Variants in STAM2 observed in about 807,000 individuals in gnomAD.
The protein encoded by STAM2 is signal transducing adapter molecule 2.
A neutral mutation model predicts 65.6 loss-of-function variants in STAM2; 51 were observed. That is an observed-to-expected ratio of 0.78 (90% confidence interval 0.62 to 0.98). STAM2 has a LOEUF of 0.98. Ranked by LOEUF, STAM2 falls within the 50% of genes least tolerant of loss-of-function variation. The pLI is 0.00. For missense variants in STAM2, 584 were observed against 617.8 expected (o/e 0.95, Z 0.58); for synonymous variants, 198 against 208.4 (o/e 0.95, Z 0.43).
chr2:152,148,986 G>C (rs1321502810), intron 2 of STAM2, among the ~76,000 whole-genome samples: 1 of 152,140 alleles, frequency 6.6e-6, no homozygotes, highest in Non-Finnish European at 1.5e-5. Context: ...ACATGTGAAT[G>C]TACTATGAAA....
rs193138667 is a variant in STAM2, at chr2:152,152,156, G to A, written c.41-1927C>T. Among the ~76,000 whole-genome samples, 240 of 152,242 alleles carry A rather than the reference G, an allele frequency of 1.6e-3. 1 individual carries two copies. Among genetic ancestry groups the A allele is most frequent in the African/African-American group, 5.4e-3 (226 of 41,550 alleles). On this transcript the variant is annotated intron_variant, in intron 1 of 13. Transcript: ENST00000263904. ...GGGTTTTGCCATGTTGCCCAGGTTC[G>A]TCTCAAACTGCTGGGCTCAAATGAT... is the stretch of plus-strand genomic sequence containing the variant.
chr2:152,131,916 T>C (rs1689071414), intron 11 of STAM2, 198 bp downstream of exon 11: 1 of 548,606 alleles, frequency 1.8e-6, no homozygotes, highest in Non-Finnish European at 3.2e-6. Context: ...ATAAAACTTG[T>C]CAGAGCTTGT....
chr2:152,154,610 CCT>C (rs912778919), intron 1 of STAM2, among the ~76,000 whole-genome samples: 24 of 149,166 alleles, frequency 1.6e-4, no homozygotes, highest in Admixed American at 4.8e-4. Context: ...AGAGTGAGCC[CCT>C]GTCTCTACAA....
chr2:152,158,475 C>CAA (rs371212329), intron 1 of STAM2, among the ~76,000 whole-genome samples: 10 of 146,510 alleles, frequency 6.8e-5, no homozygotes, highest in African/African-American at 2.0e-4. Flanking sequence ...GATTCCATCT[C>CAA]AAAAAAAAAA....
At chr2:152,162,877 G>A (rs907346175) in intron 1 of STAM2, among the ~76,000 whole-genome samples, 2 of 150,892 alleles carry the variant, frequency 1.3e-5, no homozygotes, top group African/African-American at 2.4e-5. Flanking sequence ...CACTGGTTTC[G>A]AACTCCTCCT....
In STAM2 at chr2:152,160,000, G is replaced by C. The variant is rs564592397; in HGVS notation, c.41-9771C>G. On this transcript the variant is annotated intron_variant, in intron 1 of 13. Transcript: ENST00000263904. The stretch of plus-strand genomic sequence containing the variant: ...CCAGCCTCGGCCTCCCGAGGTGCCA[G>C]GATTGCAGACGGAGGCTCCTTCACT... Among the ~76,000 whole-genome samples, 13 of 152,358 alleles carry C rather than the reference G, an allele frequency of 8.5e-5. No homozygotes were observed. The South Asian group carries it at 1.0e-3, about 12-fold the overall frequency.
intron 7 of STAM2, among the ~76,000 whole-genome samples, chr2:152,136,353 G>T (rs182577348): frequency 3.3e-5 from 5 of 151,954 alleles, no homozygotes; most frequent in African/African-American, 1.2e-4. Context: ...TGACGCAGGA[G>T]AATCGCTTGA....
chr2:152,172,479 A>C (rs1227815807), intron 1 of STAM2, among the ~76,000 whole-genome samples: 2 of 152,112 alleles, frequency 1.3e-5, no homozygotes, highest in Non-Finnish European at 2.9e-5. Context: ...TCACCTACCA[A>C]AAGAGATTAA....
intron 13 of STAM2, among the ~76,000 whole-genome samples, chr2:152,122,935 T>A (rs1202337337): frequency 6.6e-6 from 1 of 151,302 alleles, no homozygotes. Context: ...AACATGGTGG[T>A]GCTTGCCTGT....
At chr2:152,162,056 C>A (rs1450950217) in intron 1 of STAM2, among the ~76,000 whole-genome samples, 1 of 152,140 alleles carries the variant, frequency 6.6e-6, no homozygotes, top group East Asian at 1.9e-4. Context: ...CTCCTGATCT[C>A]AGGTGATCCA....
rs1405753798 is a variant in STAM2, at chr2:152,175,182, T to A, written c.40+421A>T. Among the ~76,000 whole-genome samples the A allele has an allele frequency of 3.9e-5, 6 of 152,198 alleles. No homozygotes were observed. In the East Asian group the frequency reaches 1.2e-3, roughly 29 times the overall value. On this transcript the variant is annotated intron_variant, in intron 1 of 13. Coordinates refer to ENST00000263904, the MANE Select transcript of STAM2 (RefSeq NM_005843.6). ...GGTTGTCTAGGTGTCAAGTGTCTAG[T>A]GTTGGGCTTCTCTAGACAGCAGGGT...
At chr2:152,162,130 C>T (rs901183455) in intron 1 of STAM2, among the ~76,000 whole-genome samples, 2 of 152,178 alleles carry the variant, frequency 1.3e-5, no homozygotes, top group African/African-American at 4.8e-5. Context: ...GCCCAATCTG[C>T]ATGCCTTCTA....
At position 152,160,780 on chromosome 2, in the gene STAM2, G is replaced by C. The variant is rs1452099726; in HGVS notation, c.41-10551C>G. 2.7e-5 allele frequency among the ~76,000 whole-genome samples: 4 copies of C among 150,394 alleles called. No individual in the cohort carries two copies. In the East Asian group the frequency reaches 8.0e-4, roughly 30 times the overall value. On this transcript the variant is annotated intron_variant, in intron 1 of 13. Transcript: ENST00000263904. ...TGCCCGGCCGCCCCTACCGGGAAGTGAGGAGCCCCTCTGCCCGGCCAGCCG... is the reference window on the plus strand; with the variant it reads ...TGCCCGGCCGCCCCTACCGGGAAGTCAGGAGCCCCTCTGCCCGGCCAGCCG...
At chr2:152,147,907 T>C (rs113932763) in intron 4 of STAM2, 117 bp downstream of exon 4, 1 of 790,428 alleles carries the variant, frequency 1.3e-6, no homozygotes. Context: ...TTTATTTCAT[T>C]TCAATGATCT....
intron 7 of STAM2, among the ~76,000 whole-genome samples, chr2:152,140,848 G>A (rs1294357906): frequency 6.6e-6 from 1 of 152,174 alleles, no homozygotes; most frequent in African/African-American, 2.4e-5. Context: ...AACAAACATG[G>A]AGTGGGCCAG....
intron 1 of STAM2, among the ~76,000 whole-genome samples, chr2:152,151,176 TTC>T (rs1689438121): frequency 6.6e-6 from 1 of 150,724 alleles, no homozygotes; most frequent in Admixed American, 6.6e-5. Flanking sequence ...TTTACATGAG[TTC>T]TTTTTTTTTT....
intron 1 of STAM2, among the ~76,000 whole-genome samples, chr2:152,150,458 A>T (rs1055371230): frequency 1.3e-5 from 2 of 152,260 alleles, no homozygotes; most frequent in African/African-American, 4.8e-5. Context: ...TAAACAAATT[A>T]CTAAGTATCA....
chr2:152,152,390 A>C (rs1689462390), intron 1 of STAM2, among the ~76,000 whole-genome samples: 1 of 152,104 alleles, frequency 6.6e-6, no homozygotes, highest in Non-Finnish European at 1.5e-5. Context: ...ACTACTAAAA[A>C]TACAAAAAAT....
rs1457146384 is a variant in STAM2, at chr2:152,135,557, A to G, written c.751T>C (p.Phe251Leu). 1.2e-6 allele frequency: 2 copies of G among 1,612,728 alleles called. No individual in the cohort carries two copies. The highest frequency in any genetic ancestry group is 1.3e-5 in the African/African-American group (1 of 74,900). Residue 251 changes from phenylalanine (F) to leucine (L), a missense_variant, in exon 8 of 14, where the codon TTC becomes CTC. Physicochemically the swap from Phe to Leu is conservative, Grantham distance 22. Coordinates refer to ENST00000263904, the MANE Select transcript of STAM2 (RefSeq NM_005843.6). ...TTAGTTGTTACAAAATTGGATGGGA[A>G]AAGTCCTATTCCTCTGTGATTTTCT... is the stretch of plus-strand genomic sequence containing the variant. Reference protein sequence around the residue: ...KGENHRGIGLFPSNFVTTNLN... With the variant: ...KGENHRGIGLLPSNFVTTNLN...
Sources: allele counts gnomAD v4.1 joint callset (sites outside exome capture counted in the v4.1 genomes callset), GRCh38; gene constraint gnomAD v4.1.1; transcripts MANE v1.5; gene names NCBI Gene and HGNC (gene_info 2026-07-23, HGNC 2026-07-21).